The following USP15 variants were observed in gnomAD, a reference collection of about 807,000 sequenced individuals.
USP15 encodes ubiquitin carboxyl-terminal hydrolase 15.
USP15 carries 18 observed loss-of-function variants against 127.1 expected under a neutral mutation model. The observed-to-expected ratio is 0.14, with a 90% CI of 0.10 to 0.21. The LOEUF (loss-of-function observed/expected upper bound fraction) is 0.21. Ranked by LOEUF, USP15 falls within the 10% of genes least tolerant of loss-of-function variation. The pLI, the probability that USP15 is intolerant of heterozygous loss-of-function variation, is 1.00. For synonymous variants in USP15, 364 were observed against 393.7 expected (o/e 0.92, Z 0.89); for missense variants, 805 against 1,159.9 (o/e 0.69, Z 4.44).
intron 14 of USP15, among the ~76,000 whole-genome samples, chr12:62,390,296 A>G (rs952942109): frequency 6.6e-6 from 1 of 152,190 alleles, no homozygotes; most frequent in Non-Finnish European, 1.5e-5. Context: ...GTGAAATCAT[A>G]ACAAATGTCA....
At chr12:62,373,674 T>C (rs973066251) in intron 8 of USP15, among the ~76,000 whole-genome samples, 1 of 151,972 alleles carries the variant, frequency 6.6e-6, no homozygotes, top group African/African-American at 2.4e-5. Flanking sequence ...AGGAAAATTA[T>C]ATCCATTTCT....
intron 6 of USP15, chr12:62,335,059 T>C (rs2065418737): frequency 2.9e-6 from 3 of 1,034,598 alleles, no homozygotes; most frequent in Admixed American, 2.2e-5. Context: ...GGGCACGATA[T>C]GTTACACCTA....
chr12:62,332,612 T>A (rs2065338582), intron 6 of USP15, among the ~76,000 whole-genome samples: 1 of 152,174 alleles, frequency 6.6e-6, no homozygotes, highest in Non-Finnish European at 1.5e-5. Context: ...GATATGTGCT[T>A]AAGTATTGGG....
chr12:62,270,146 A>T (rs1020202444), intron 1 of USP15, among the ~76,000 whole-genome samples: 1 of 151,934 alleles, frequency 6.6e-6, no homozygotes, highest in African/African-American at 2.4e-5. Context: ...GTATCTTTTC[A>T]CCTGCTTATT....
intron 1 of USP15, among the ~76,000 whole-genome samples, chr12:62,287,511 T>C (rs2063821562): frequency 6.6e-6 from 1 of 152,138 alleles, no homozygotes; most frequent in South Asian, 2.1e-4. Context: ...TTTTCTCCCA[T>C]TGTTAGGTTG....
At position 62,381,341 on chromosome 12, in the gene USP15, T is replaced by TGCAAAA. The variant is rs2066983872; in HGVS notation, c.916-149_916-148insGCAAAA. ...ATAGTTGAGTACATCATTTGAGTGT[T>TGCAAAA]TATTTGACCAGTTATTAGTGCAAGA... is the stretch of plus-strand genomic sequence containing the variant. On this transcript the variant is annotated intron_variant, in intron 8 of 21. Coordinates refer to ENST00000280377, the MANE Select transcript of USP15 (RefSeq NM_001252078.2). The TGCAAAA allele has an allele frequency of 1.4e-5, 8 of 566,440 alleles. No individual in the cohort carries two copies. In the South Asian group the frequency reaches 2.8e-4, roughly 20 times the overall value. 35.1% of individuals were successfully genotyped at this position (566,440 alleles called of 1,614,324 possible).
chr12:62,407,141 T>G lies in USP15; in HGVS notation c.*2766T>G, dbSNP rs2067894478. On this transcript the variant is annotated 3_prime_UTR_variant, in exon 22 of 22. Coordinates refer to ENST00000280377, the MANE Select transcript of USP15 (RefSeq NM_001252078.2). ...GCCAGCATTTATTGAGCACTTACTA[T>G]GGACCAGGCACTATATTAAAGTGTT... 6.6e-6 allele frequency: 1 copy of G among 152,212 alleles called. No individual in the cohort carries two copies. 9.4% of individuals were successfully genotyped at this position (152,212 alleles called of 1,614,324 possible).
chr12:62,275,029 T>G (rs1234260690), intron 1 of USP15, among the ~76,000 whole-genome samples: 1 of 152,090 alleles, frequency 6.6e-6, no homozygotes. Flanking sequence ...TTAGAAATAT[T>G]CTGGAGGTGC....
At chr12:62,261,413 A>G (rs1176792227) in intron 1 of USP15, among the ~76,000 whole-genome samples, 4 of 152,218 alleles carry the variant, frequency 2.6e-5, no homozygotes, top group Non-Finnish European at 4.4e-5. Context: ...GGGAAGCATA[A>G]TGTGCCTCTT....
intron 6 of USP15, 128 bp from the exon 7 acceptor site, chr12:62,349,093 G>T: frequency 1.9e-6 from 1 of 515,558 alleles, no homozygotes; most frequent in Non-Finnish European, 3.2e-6. Context: ...GGATAATAGT[G>T]ATTTTGCTCA....
chr12:62,342,873 G>A (rs995612759), intron 6 of USP15, among the ~76,000 whole-genome samples: 15 of 152,296 alleles, frequency 9.8e-5, no homozygotes, highest in East Asian at 1.9e-4. Flanking sequence ...CAGGAGACAC[G>A]GGATCAGGGA....
In USP15 at chr12:62,272,915, TC is replaced by T. The variant is rs139142990; in HGVS notation, c.89+12415del. Among the ~76,000 whole-genome samples the T allele has an allele frequency of 2.7e-3, 413 of 152,208 alleles. 1 individual carries two copies. Among genetic ancestry groups the T allele is most frequent in the Non-Finnish European group, 4.8e-3 (329 of 67,944 alleles). On this transcript the variant is annotated intron_variant, in intron 1 of 21. Transcript: ENST00000280377. The stretch of plus-strand genomic sequence containing the variant: ...TCGTTCCAGTAATCTTGTGAGGTAG[TC>T]CCAGTGGTCTTCATGAAATGTAAAT...
rs1286735310 is a variant in USP15 at position 62,406,133 on chromosome 12, TTCTTAC to T, written c.*1764_*1769del. The T allele has an allele frequency of 6.6e-6, 1 of 152,192 alleles. No homozygotes were observed. Among genetic ancestry groups the T allele is most frequent in the Non-Finnish European group, 1.5e-5 (1 of 67,996 alleles). The allele number at this position is 152,192 out of a possible 1,614,324, so 9.4% of individuals were successfully genotyped here. ...TTCAAGGCCTTATTTAGTCTTTTAT[TTCTTAC>T]TCTTAATCTTTTAATAAAAATCCCC... On this transcript the variant is annotated 3_prime_UTR_variant, in exon 22 of 22. Coordinates refer to ENST00000280377, the MANE Select transcript of USP15 (RefSeq NM_001252078.2).
At chr12:62,296,548 A>G (rs1016245237) in intron 2 of USP15, among the ~76,000 whole-genome samples, 1 of 152,226 alleles carries the variant, frequency 6.6e-6, no homozygotes, top group African/African-American at 2.4e-5. Flanking sequence ...ATACCTACCT[A>G]ATGGCATAAC....
At chr12:62,386,393 A>G (rs2067150540) in intron 11 of USP15, among the ~76,000 whole-genome samples, 1 of 151,996 alleles carries the variant, frequency 6.6e-6, no homozygotes, top group South Asian at 2.1e-4. Flanking sequence ...ATGCTGTGCA[A>G]GGTGCTAGAA....
chr12:62,383,796 ACCCTGTT>A (rs2067061940), intron 9 of USP15, 37 bp from the exon 10 acceptor site: 5 of 1,586,438 alleles, frequency 3.2e-6, no homozygotes, highest in Non-Finnish European at 4.3e-6. Flanking sequence ...TTAAAAATCA[ACCCTGTT>A]CCTAGAACTG....
intron 1 of USP15, among the ~76,000 whole-genome samples, chr12:62,280,419 A>C (rs546689744): frequency 6.6e-6 from 1 of 152,200 alleles, no homozygotes; most frequent in Non-Finnish European, 1.5e-5. Context: ...CAGCAAATTT[A>C]TTTGTCACTG....
At chr12:62,278,037 A>G (rs1183403049) in intron 1 of USP15, among the ~76,000 whole-genome samples, 1 of 152,226 alleles carries the variant, frequency 6.6e-6, no homozygotes, top group Non-Finnish European at 1.5e-5. Flanking sequence ...CTGTACAAAA[A>G]TATTTTCTTC....
chr12:62,389,773 T>C, intron 13 of USP15, 24 bp from the exon 14 acceptor site: 1 of 1,602,764 alleles, frequency 6.2e-7, no homozygotes, highest in East Asian at 2.2e-5. Flanking sequence ...TTTTGAGAGT[T>C]TATGGTCAGT....
Sources: allele counts gnomAD v4.1 joint callset (sites outside exome capture counted in the v4.1 genomes callset), GRCh38; gene constraint gnomAD v4.1.1; transcripts MANE v1.5; gene names NCBI Gene and HGNC (gene_info 2026-07-23, HGNC 2026-07-21).